The following PDE8B variants were observed in gnomAD, a reference collection of about 807,000 sequenced individuals.
PDE8B encodes high affinity cAMP-specific and IBMX-insensitive 3',5'-cyclic phosphodiesterase 8B.
A neutral mutation model predicts 101.3 loss-of-function variants in PDE8B; 26 were observed. The observed-to-expected ratio is 0.26, with a 90% CI of 0.19 to 0.36. The LOEUF is 0.36. Ranked by LOEUF, PDE8B falls within the 10% of genes least tolerant of loss-of-function variation. The probability of loss-of-function intolerance (pLI) is 1.00; values close to 1 mark genes in which losing one functional copy is unlikely to be tolerated. For synonymous variants in PDE8B, 424 were observed against 429.3 expected, an observed-to-expected ratio of 0.99 and a Z score of 0.15; for missense variants, 810 against 1,163.1, an observed-to-expected ratio of 0.70 and a Z score of 4.42.
At chr5:77,396,809 C>G (rs950518029) in intron 10 of PDE8B, among the ~76,000 whole-genome samples, 1 of 151,932 alleles carries the variant, frequency 6.6e-6, no homozygotes, top group Non-Finnish European at 1.5e-5. Context: ...AATTGTTTCT[C>G]TTATATTTAG....
At chr5:77,424,925 A>G (rs995248409) in intron 20 of PDE8B, among the ~76,000 whole-genome samples, 10 of 151,848 alleles carry the variant, frequency 6.6e-5, no homozygotes, top group Admixed American at 1.3e-4. Context: ...CCAGGCCCCA[A>G]GCGAACCTCC....
intron 2 of PDE8B, among the ~76,000 whole-genome samples, chr5:77,320,274 A>G (rs556137456): frequency 1.7e-4 from 26 of 152,336 alleles, no homozygotes; most frequent in African/African-American, 5.5e-4. Flanking sequence ...GTGCATGGTC[A>G]TTATTACAGT....
chr5:77,114,402 A>G, the PDE8B span: 2 of 152,212 alleles, frequency 1.3e-5, no homozygotes, highest in African/African-American at 2.4e-5. Context: ...TCAGCAAACT[A>G]TCACAAGGAC....
At chr5:77,363,191 A>G (rs1421804889) in intron 10 of PDE8B, among the ~76,000 whole-genome samples, 2 of 152,188 alleles carry the variant, frequency 1.3e-5, no homozygotes, top group Non-Finnish European at 1.5e-5. Flanking sequence ...CTTTCTACAG[A>G]TGAGGAAACT....
chr5:77,120,364 T>G, the PDE8B span, among the ~76,000 whole-genome samples: 6 of 152,206 alleles, frequency 3.9e-5, no homozygotes, highest in Non-Finnish European at 8.8e-5. Flanking sequence ...TTTTCAAAAC[T>G]TACTGAATGG....
the PDE8B span, among the ~76,000 whole-genome samples, chr5:77,201,912 G>A: frequency 6.6e-6 from 1 of 152,186 alleles, no homozygotes; most frequent in Non-Finnish European, 1.5e-5. Flanking sequence ...CAGCAGGGTA[G>A]GTGTCTGGTG....
intron 10 of PDE8B, among the ~76,000 whole-genome samples, chr5:77,386,850 T>A (rs1788746677): frequency 6.8e-6 from 1 of 147,052 alleles, no homozygotes; most frequent in Admixed American, 6.7e-5. Flanking sequence ...TTTTGCCTGT[T>A]AGTTGATGTA....
At chr5:77,397,386 T>G (rs535766970) in intron 10 of PDE8B, among the ~76,000 whole-genome samples, 45 of 152,236 alleles carry the variant, frequency 3.0e-4, no homozygotes, top group Middle Eastern at 6.8e-3. Context: ...TTGGTAATGA[T>G]GTATCACATA....
the PDE8B span, among the ~76,000 whole-genome samples, chr5:77,203,213 A>G: frequency 6.6e-6 from 1 of 152,214 alleles, no homozygotes; most frequent in South Asian, 2.1e-4. Context: ...CCTTAAGCAC[A>G]TTATTCTCTC....
At chr5:77,091,377 C>G in the PDE8B span, among the ~76,000 whole-genome samples, 1 of 146,766 alleles carries the variant, frequency 6.8e-6, no homozygotes, top group Non-Finnish European at 1.6e-5. Context: ...CAGTGGCTCA[C>G]GCCTGTAATC....
rs1326078231 is a variant in PDE8B, at chr5:77,412,226, C to T, written c.1703C>T (p.Thr568Met). The T allele has an allele frequency of 5.0e-6, 8 of 1,613,882 alleles. No individual in the cohort carries two copies. The highest frequency in any genetic ancestry group is 1.7e-5 in the Admixed American group (1 of 60,002). The part of the protein sequence containing the change: ...DFNIFELEAI[T>M]HKRPLVYLGL... ...AACATCTTTGAATTGGAAGCCATTA[C>T]GCATAAAAGGTATGTGACTTCTCTG... Residue 568 changes from threonine to methionine, a missense_variant, in exon 16 of 22, where the codon ACG becomes ATG. Around this residue, in one of 4 missense-constraint regions of PDE8B, gnomAD observed 325 missense variants for 560.9 expected, o/e 0.58. Transcript: ENST00000264917.
intron 1 of PDE8B, among the ~76,000 whole-genome samples, chr5:77,223,577 A>G (rs1286887862): frequency 1.3e-5 from 2 of 151,958 alleles, no homozygotes; most frequent in Admixed American, 6.6e-5. Flanking sequence ...AGCATTTACA[A>G]TTTGACATTG....
chr5:77,332,856 A>C (rs1227446300), intron 5 of PDE8B, among the ~76,000 whole-genome samples: 1 of 149,260 alleles, frequency 6.7e-6, no homozygotes, highest in Non-Finnish European at 1.5e-5. Flanking sequence ...AAAAAAAAAG[A>C]GTAATCTGAA....
At chr5:77,091,143 A>C in the PDE8B span, among the ~76,000 whole-genome samples, 2,463 of 152,252 alleles carry the variant, frequency 0.016, 71 homozygotes, top group African/African-American at 0.056. Flanking sequence ...TTGACTTGCA[A>C]TTTCTCTGCT....
chr5:77,255,922 C>G (rs1170080209), intron 1 of PDE8B, among the ~76,000 whole-genome samples: 2 of 152,168 alleles, frequency 1.3e-5, no homozygotes, highest in Non-Finnish European at 2.9e-5. Flanking sequence ...GATTTCTCTG[C>G]CCTGGGCTGG....
At chr5:77,378,048 A>ACACACACCCC (rs1347483439) in intron 10 of PDE8B, among the ~76,000 whole-genome samples, 1 of 93,848 alleles carries the variant, frequency 1.1e-5, no homozygotes, top group South Asian at 3.5e-4. Flanking sequence ...ACACACACAC[A>ACACACACCCC]CCCCCTGTTG....
chr5:77,148,561 C>A, the PDE8B span: 1 of 152,152 alleles, frequency 6.6e-6, no homozygotes, highest in African/African-American at 2.4e-5. Context: ...TCTTTTACAT[C>A]ATAACTATTT....
At chr5:77,112,543 T>A in the PDE8B span, 9 of 152,322 alleles carry the variant, frequency 5.9e-5, no homozygotes, top group Admixed American at 3.3e-4. Flanking sequence ...AAGAGCTATT[T>A]GTGACAAACC....
chr5:77,193,576 C>A, the PDE8B span, among the ~76,000 whole-genome samples: 2 of 152,052 alleles, frequency 1.3e-5, no homozygotes, highest in African/African-American at 4.8e-5. Context: ...TTTACTGTGG[C>A]TTTGTACTAA....
Sources: gnomAD v4.1 joint callset for allele counts (sites outside exome capture counted in the v4.1 genomes callset) on GRCh38, gnomAD v4.1.1 for gene constraint, gnomAD v4.1.1 regional missense constraint, MANE v1.5 for transcripts, NCBI Gene and HGNC (gene_info 2026-07-23, HGNC 2026-07-21) for gene names.